The following CCDC186 variants were observed in gnomAD, a reference collection of about 807,000 sequenced individuals.
The protein encoded by CCDC186 is coiled-coil domain-containing protein 186.
In CCDC186, 49 loss-of-function variants were observed where a neutral mutation model predicts 113.7. The observed-to-expected ratio is 0.43, with a 90% CI of 0.34 to 0.55. The LOEUF (loss-of-function observed/expected upper bound fraction) is 0.55, where lower values mean the gene tolerates loss of function less well. CCDC186 is among the 20% of genes least tolerant of loss of function. The pLI is 0.02. For synonymous variants in CCDC186, 355 were observed against 345.8 expected, an observed-to-expected ratio of 1.03 and a Z score of -0.30; for missense variants, 890 against 1,011.1, an observed-to-expected ratio of 0.88 and a Z score of 1.62.
Position 114,122,286 on chromosome 10 carries a change from T to C in CCDC186, c.*2857A>G, listed in dbSNP as rs2030749120. On this transcript the variant is annotated 3_prime_UTR_variant, in exon 16 of 16. Transcript: ENST00000369287. Reference sequence around the variant, plus strand: ...AGCCTGATAAAATTTAATTTCAAGCTAAATCGCTTTAAATGGTTATGAAGA... The same window carrying C: ...AGCCTGATAAAATTTAATTTCAAGCCAAATCGCTTTAAATGGTTATGAAGA... 6.6e-6 allele frequency: 1 copy of C among 152,132 alleles called. No individual in the cohort carries two copies. The highest frequency in any genetic ancestry group is 1.5e-5 in the Non-Finnish European group (1 of 68,016). The allele number at this position is 152,132 out of a possible 1,614,324, so 9.4% of individuals were successfully genotyped here. A position where few individuals can be genotyped will look rare whatever the true frequency, so the allele number is the denominator to read the frequency against.
chr10:114,143,481 C>T (rs1310046704), intron 6 of CCDC186, among the ~76,000 whole-genome samples: 4 of 152,144 alleles, frequency 2.6e-5, no homozygotes, highest in African/African-American at 7.2e-5. Flanking sequence ...ATGGCTTAGC[C>T]GTGTTGAGCT....
Position 114,163,130 on chromosome 10 carries a change from A to C in CCDC186, c.139T>G (p.Leu47Val). ...KLENESKLLS[L>V]NTDKTLCQPN... ...TGACATAAAGTTTTATCAGTGTTTA[A>C]TGACAATAGTTTGGACTCATTTTCT... The change falls in exon 2 of 16, where the codon TTA (leucine) becomes GTA (valine). Residue 47 changes from leucine (L) to valine (V), a missense_variant. Transcript: ENST00000369287. 6.2e-7 allele frequency: 1 copy of C among 1,613,984 alleles called. No homozygotes were observed. The highest frequency in any genetic ancestry group is 8.5e-7 in the Non-Finnish European group (1 of 1,179,950).
chr10:114,146,259 C>T (rs2031637934), intron 4 of CCDC186, among the ~76,000 whole-genome samples: 1 of 152,192 alleles, frequency 6.6e-6, no homozygotes, highest in South Asian at 2.1e-4. Context: ...ATACAACTAC[C>T]CTCTGGGGTG....
chr10:114,138,273 A>C (rs2031344261), intron 6 of CCDC186, among the ~76,000 whole-genome samples: 1 of 141,628 alleles, frequency 7.1e-6, no homozygotes, highest in African/African-American at 2.6e-5. Context: ...AAAACAAAAC[A>C]AAACAAAACA....
At chr10:114,130,002 T>C (rs2031036969) in intron 12 of CCDC186, 31 bp from the exon 13 acceptor site, 1 of 1,596,836 alleles carries the variant, frequency 6.3e-7, no homozygotes, top group Non-Finnish European at 8.6e-7. Flanking sequence ...TTCGTCACAA[T>C]TATCAGGACC....
intron 8 of CCDC186, 81 bp downstream of exon 8, chr10:114,136,067 G>T: frequency 6.7e-7 from 1 of 1,497,104 alleles, no homozygotes; most frequent in Non-Finnish European, 9.3e-7. Flanking sequence ...GGCCTTAAAA[G>T]TAGATAGCAA....
chr10:114,126,671 G>T (rs191147554), intron 14 of CCDC186, among the ~76,000 whole-genome samples: 106 of 152,274 alleles, frequency 7.0e-4, no homozygotes, highest in Middle Eastern at 3.4e-3. Context: ...TTTCTTTATT[G>T]CTCAATTTCT....
intron 10 of CCDC186, among the ~76,000 whole-genome samples, chr10:114,133,262 G>A (rs1327862529): frequency 6.6e-6 from 1 of 152,142 alleles, no homozygotes; most frequent in African/African-American, 2.4e-5. Context: ...AATACTTTGT[G>A]ACTGGTTAGA....
At chr10:114,155,279 C>A (rs539248217) in intron 3 of CCDC186, among the ~76,000 whole-genome samples, 1 of 152,308 alleles carries the variant, frequency 6.6e-6, no homozygotes, top group Non-Finnish European at 1.5e-5. Flanking sequence ...TTATAGTACA[C>A]ATATACTAAT....
chr10:114,151,664 G>T (rs575458481), intron 3 of CCDC186, among the ~76,000 whole-genome samples: 1 of 152,326 alleles, frequency 6.6e-6, no homozygotes, highest in East Asian at 1.9e-4. Context: ...CCTTTGTCCA[G>T]CATGTCTGCA....
chr10:114,132,152 T>C lies in CCDC186; in HGVS notation c.1688A>G (p.Glu563Gly). Reference sequence around the variant, plus strand: ...AATCAAAGAATTAAGACTTTCCACTTCTTCTTTCAAATTTTCAATTTCTTG... The same window carrying C: ...AATCAAAGAATTAAGACTTTCCACTCCTTCTTTCAAATTTTCAATTTCTTG... The part of the protein sequence containing the change: ...GKQEIENLKE[E>G]VESLNSLIND... Residue 563 changes from glutamate (E) to glycine (G), a missense_variant, in exon 11 of 16, where the codon GAA becomes GGA. Glu to Gly is a moderately conservative substitution (Grantham distance 98, BLOSUM62 -2). Coordinates refer to ENST00000369287, the MANE Select transcript of CCDC186 (RefSeq NM_018017.4). 1 of 1,601,642 alleles carries C rather than the reference T, an allele frequency of 6.2e-7. No individual in the cohort carries two copies. Among genetic ancestry groups the C allele is most frequent in the Non-Finnish European group, 8.5e-7 (1 of 1,174,600 alleles).
intron 2 of CCDC186, chr10:114,162,049 G>C (rs545013332): frequency 1.3e-5 from 2 of 152,146 alleles, no homozygotes; most frequent in Admixed American, 1.3e-4. Flanking sequence ...GTTGTTTAAC[G>C]AATACAGTGT....
intron 2 of CCDC186, 81 bp downstream of exon 2, chr10:114,162,556 G>A (rs2119818399): frequency 1.9e-6 from 2 of 1,039,378 alleles, no homozygotes; most frequent in East Asian, 2.6e-5. Flanking sequence ...GAACAAAATG[G>A]TATTTTCCTT....
In CCDC186 at chr10:114,137,204, A is replaced by T; in HGVS notation, c.1308T>A (p.Asp436Glu). 1 of 1,612,434 alleles carries T rather than the reference A, an allele frequency of 6.2e-7. No individual in the cohort carries two copies. The highest frequency in any genetic ancestry group is 8.5e-7 in the Non-Finnish European group (1 of 1,178,698). Residue 436 changes from aspartate (D) to glutamate (E), a missense_variant, in exon 7 of 16, where the codon GAT (aspartate) becomes GAA (glutamate). By Grantham distance (45) the Asp-to-Glu change is conservative. Coordinates refer to ENST00000369287, the MANE Select transcript of CCDC186 (RefSeq NM_018017.4). ...TGCATACCTGATATGTTTTTATCAT[A>T]TCCTGACAGTTTTTTCGTATCTGAT... ...EADQIRKNCQDMIKTYQESEE... is the reference protein window; with the variant it reads ...EADQIRKNCQEMIKTYQESEE...
chr10:114,149,550 AAGGG>A, intron 4 of CCDC186, among the ~76,000 whole-genome samples: 1 of 106,058 alleles, frequency 9.4e-6, no homozygotes, highest in Non-Finnish European at 1.9e-5. Context: ...AAGGGAAGGG[AAGGG>A]AAGGAAAGGA....
At chr10:114,149,786 C>CAGGAAGGCAGGAAGGAAGGA (rs1564912975) in intron 4 of CCDC186, among the ~76,000 whole-genome samples, 1 of 48,096 alleles carries the variant, frequency 2.1e-5, no homozygotes, top group African/African-American at 1.0e-4. Flanking sequence ...GGCAGGAAGG[C>CAGGAAGGCAGGAAGGAAGGA]AGGAAGGAAG....
intron 1 of CCDC186, among the ~76,000 whole-genome samples, chr10:114,164,110 A>ATTTTTTTTT (rs1218024203): frequency 9.7e-6 from 1 of 103,332 alleles, no homozygotes; most frequent in African/African-American, 3.9e-5. Context: ...GTGTATATAT[A>ATTTTTTTTT]TATATTTTTT....
In CCDC186 at chr10:114,154,742, T is replaced by C. The variant is rs541023473; in HGVS notation, c.759+2812A>G. 6.3e-4 allele frequency among the ~76,000 whole-genome samples: 96 copies of C among 152,324 alleles called. 1 individual carries two copies. Among genetic ancestry groups the C allele is most frequent in the Admixed American group, 1.9e-3 (29 of 15,300 alleles). On this transcript the variant is annotated intron_variant, in intron 3 of 15. Transcript: ENST00000369287. ...TACACCCAAGAGAAATGAAAGCATA[T>C]GTACACATAAAAACTAGCACGTGAA... is the stretch of plus-strand genomic sequence containing the variant.
At chr10:114,134,504 T>C (rs537811463) in intron 10 of CCDC186, among the ~76,000 whole-genome samples, 86 of 152,316 alleles carry the variant, frequency 5.6e-4, no homozygotes, top group South Asian at 8.3e-4. Context: ...ATGTCACAAG[T>C]AGAGTTTACT....
Sources: gnomAD v4.1 joint callset for allele counts (sites outside exome capture counted in the v4.1 genomes callset) on GRCh38, gnomAD v4.1.1 for gene constraint, MANE v1.5 for transcripts, NCBI Gene and HGNC (gene_info 2026-07-23, HGNC 2026-07-21) for gene names.